The following DNAH11 variants were observed in gnomAD, a reference collection of about 807,000 sequenced individuals.
DNAH11 encodes axonemal beta dynein heavy chain 11.
Under a neutral mutation model 526.0 loss-of-function variants are expected in DNAH11, and 442 were observed. The observed-to-expected ratio is 0.84, with a 90% confidence interval of 0.78 to 0.91. The LOEUF (loss-of-function observed/expected upper bound fraction) is 0.91. Ranked by LOEUF, DNAH11 falls within the 40% of genes least tolerant of loss-of-function variation. The pLI, the probability that DNAH11 is intolerant of heterozygous loss-of-function variation, is 0.00. For missense variants in DNAH11, 6,989 were observed against 5,448.7 expected (o/e 1.28, Z -8.90); for synonymous variants, 2,461 against 1,935.9 (o/e 1.27, Z -7.12).
Position 21,599,966 on chromosome 7 carries a change from C to G in DNAH11, c.2847C>G (p.Ile949Met), listed in dbSNP as rs1248712632. ...KPAPFFQAQM[I>M]LLPPEIVFKP... Reference sequence around the variant, plus strand: ...CACCGTTTTTTCAAGCACAAATGATCTTGTTGCCTCCTGAGATTGTGTTTA... The same window carrying G: ...CACCGTTTTTTCAAGCACAAATGATGTTGTTGCCTCCTGAGATTGTGTTTA... The change falls in exon 15 of 82, where the codon ATC becomes ATG. Residue 949 changes from isoleucine to methionine, a missense_variant. Physicochemically the swap from Ile to Met is conservative, Grantham distance 10 (BLOSUM62 1). Transcript: ENST00000409508. The G allele has an allele frequency of 6.2e-7, 1 of 1,613,588 alleles. No individual in the cohort carries two copies. Among genetic ancestry groups the G allele is most frequent in the Non-Finnish European group, 8.5e-7 (1 of 1,179,748 alleles).
chr7:21,722,056 G>A (rs1473694760), intron 44 of DNAH11, among the ~76,000 whole-genome samples: 3 of 152,152 alleles, frequency 2.0e-5, no homozygotes, highest in East Asian at 1.9e-4. Flanking sequence ...CAGATCCCAC[G>A]AACTGCTTAG....
intron 25 of DNAH11, among the ~76,000 whole-genome samples, chr7:21,633,522 T>G (rs545801705): frequency 6.6e-6 from 1 of 152,360 alleles, no homozygotes; most frequent in East Asian, 1.9e-4. Context: ...TAAATCACAT[T>G]TTTTAAATTT....
At position 21,782,084 on chromosome 7, in the gene DNAH11, A is replaced by G. The variant is rs540567895; in HGVS notation, c.9484-2343A>G. Among the ~76,000 whole-genome samples the G allele has an allele frequency of 2.0e-5, 3 of 152,216 alleles. No individual in the cohort carries two copies. In the South Asian group the frequency reaches 6.2e-4, roughly 32 times the overall value. On this transcript the variant is annotated intron_variant, in intron 57 of 81. Transcript: ENST00000409508. ...GGTGAGCTTGGGTCTTCAAAATATG[A>G]ATTTTGGGTGGACACAGTTTAGCTC...
chr7:21,755,655 A>G (rs769691968), intron 54 of DNAH11, among the ~76,000 whole-genome samples: 5 of 152,134 alleles, frequency 3.3e-5, no homozygotes, highest in Non-Finnish European at 5.9e-5. Context: ...GTTTCCTCTC[A>G]GTCTTCTATG....
At chr7:21,797,685 C>T (rs1406531023) in intron 61 of DNAH11, among the ~76,000 whole-genome samples, 1 of 152,178 alleles carries the variant, frequency 6.6e-6, no homozygotes, top group Non-Finnish European at 1.5e-5. Context: ...TAGATTGTCA[C>T]CTTTAAGCAT....
At chr7:21,614,675 A>G (rs532591158) in intron 20 of DNAH11, among the ~76,000 whole-genome samples, 7 of 152,340 alleles carry the variant, frequency 4.6e-5, no homozygotes, top group East Asian at 1.9e-4. Flanking sequence ...TGCATTTGAT[A>G]TTATTGATAA....
chr7:21,851,767 G>A (rs1782649831), intron 66 of DNAH11: 1 of 429,516 alleles, frequency 2.3e-6, no homozygotes, highest in Non-Finnish European at 4.8e-6. Flanking sequence ...TTTTAGGATG[G>A]CAATTTGTCC....
At chr7:21,885,188 A>C (rs1252434694) in intron 76 of DNAH11, among the ~76,000 whole-genome samples, 2 of 95,696 alleles carry the variant, frequency 2.1e-5, no homozygotes, top group Admixed American at 1.0e-4. Flanking sequence ...AAAAAAAAAA[A>C]CACACACATT....
chr7:21,823,969 G>T (rs904587077), intron 65 of DNAH11, among the ~76,000 whole-genome samples: 2 of 152,152 alleles, frequency 1.3e-5, no homozygotes, highest in Non-Finnish European at 2.9e-5. Flanking sequence ...CAAGCCTAGA[G>T]CCTGTTCAGG....
intron 6 of DNAH11, among the ~76,000 whole-genome samples, chr7:21,568,775 G>A (rs1397705729): frequency 2.0e-5 from 3 of 152,152 alleles, no homozygotes; most frequent in Non-Finnish European, 4.4e-5. Flanking sequence ...AGGGCCACTC[G>A]AGCAAAAGAT....
chr7:21,601,521 G>C lies in DNAH11; in HGVS notation c.3551G>C (p.Arg1184Thr). The C allele has an allele frequency of 6.2e-7, 1 of 1,613,688 alleles. No individual in the cohort carries two copies. The highest frequency in any genetic ancestry group is 8.5e-7 in the Non-Finnish European group (1 of 1,179,762). ...CTTCTGGCTGTAAGAAGCCGACAGA[G>C]AGCTACTGATGAACTCTTTGAACCT... ...VHLLAVRSRQ[R>T]ATDELFEPLK... Residue 1184 changes from arginine to threonine, a missense_variant, in exon 18 of 82, where the codon AGA (arginine) becomes ACA (threonine). Coordinates refer to ENST00000409508, the MANE Select transcript of DNAH11 (RefSeq NM_001277115.2).
intron 14 of DNAH11, among the ~76,000 whole-genome samples, chr7:21,597,103 G>A (rs1446495648): frequency 3.3e-5 from 5 of 152,046 alleles, no homozygotes; most frequent in Non-Finnish European, 5.9e-5. Flanking sequence ...AAGATGGAGA[G>A]AAGAGAGGAG....
In DNAH11 at chr7:21,566,636, T is replaced by G. The variant is rs116069368; in HGVS notation, c.1194+2239T>G. Among the ~76,000 whole-genome samples, 710 of 150,276 alleles carry G rather than the reference T, an allele frequency of 4.7e-3. 5 individuals carry two copies. The highest frequency in any genetic ancestry group is 0.017 in the African/African-American group (675 of 40,230). On this transcript the variant is annotated intron_variant, in intron 6 of 81. Coordinates refer to ENST00000409508, the MANE Select transcript of DNAH11 (RefSeq NM_001277115.2). ...AAAAAAACACTGAAGCCTAAGAAGATAAGTAACTCTCCAACCCAGCAAGTC... is the reference window on the plus strand; with the variant it reads ...AAAAAAACACTGAAGCCTAAGAAGAGAAGTAACTCTCCAACCCAGCAAGTC...
chr7:21,744,318 A>G (rs986351500), intron 49 of DNAH11, 120 bp from the exon 50 acceptor site: 3 of 1,089,210 alleles, frequency 2.8e-6, no homozygotes. Context: ...GCACATTACT[A>G]TTGATGATAT....
At chr7:21,692,103 G>C (rs1284793480) in intron 35 of DNAH11, among the ~76,000 whole-genome samples, 1 of 152,018 alleles carries the variant, frequency 6.6e-6, no homozygotes, top group African/African-American at 2.4e-5. Context: ...TTTTGGTTCA[G>C]TTTTCCAGAA....
chr7:21,686,988 GCTA>G (rs1369595961), intron 32 of DNAH11, 108 bp from the exon 33 acceptor site: 6 of 929,516 alleles, frequency 6.5e-6, no homozygotes, highest in Non-Finnish European at 9.0e-6. Flanking sequence ...AGTATTTTAT[GCTA>G]CTATCACATT....
chr7:21,722,086 G>C (rs1413193090), intron 44 of DNAH11, among the ~76,000 whole-genome samples: 4 of 152,166 alleles, frequency 2.6e-5, no homozygotes, highest in African/African-American at 9.7e-5. Flanking sequence ...AGTGCAAAGT[G>C]GGAATTATTC....
intron 25 of DNAH11, among the ~76,000 whole-genome samples, chr7:21,634,419 T>C (rs1786761367): frequency 6.6e-6 from 1 of 152,186 alleles, no homozygotes; most frequent in African/African-American, 2.4e-5. Flanking sequence ...GATACTGTAA[T>C]GTCATAGAGA....
At chr7:21,686,483 C>T (rs1165585826) in intron 32 of DNAH11, among the ~76,000 whole-genome samples, 3 of 152,144 alleles carry the variant, frequency 2.0e-5, no homozygotes, top group Non-Finnish European at 2.9e-5. Context: ...TTTCTAAGAA[C>T]TTCTGAGTCT....
Sources: allele counts gnomAD v4.1 joint callset (sites outside exome capture counted in the v4.1 genomes callset), GRCh38; gene constraint gnomAD v4.1.1; transcripts MANE v1.5; gene names NCBI Gene and HGNC (gene_info 2026-07-23, HGNC 2026-07-21).